RGS8: variants seen among roughly 807,000 people sequenced by gnomAD.
RGS8 encodes regulator of G protein signaling 8.
A neutral mutation model predicts 21.7 loss-of-function variants in RGS8; 8 were observed. The observed-to-expected ratio is 0.37, with a 90% CI of 0.22 to 0.66. The LOEUF (loss-of-function observed/expected upper bound fraction) is 0.66. RGS8 is among the 30% of genes least tolerant of loss of function. The pLI, the probability that RGS8 is intolerant of heterozygous loss-of-function variation, is 0.59. For synonymous variants in RGS8, 80 were observed against 83.6 expected (o/e 0.96, Z 0.24); for missense variants, 157 against 217.9 (o/e 0.72, Z 1.76).
the RGS8 span, among the ~76,000 whole-genome samples, chr1:182,741,488 C>T: frequency 1.4e-4 from 19 of 131,218 alleles, no homozygotes; most frequent in African/African-American, 3.5e-4. Context: ...GGCGGCTGGC[C>T]GGGCGGGGGG....
At chr1:182,704,701 T>A in the RGS8 span, among the ~76,000 whole-genome samples, 1 of 152,170 alleles carries the variant, frequency 6.6e-6, no homozygotes, top group Non-Finnish European at 1.5e-5. Context: ...TGGGTGTGAA[T>A]TGCAGACCCA....
At chr1:182,741,643 C>T in the RGS8 span, among the ~76,000 whole-genome samples, 1 of 125,490 alleles carries the variant, frequency 8.0e-6, no homozygotes, top group South Asian at 2.6e-4. Flanking sequence ...CCCCACCTCC[C>T]TCCCGGACGG....
upstream of RGS8, among the ~76,000 whole-genome samples, chr1:182,677,283 A>C (rs1350278704): frequency 6.6e-6 from 1 of 152,260 alleles, no homozygotes; most frequent in East Asian, 1.9e-4. Flanking sequence ...GTCTCGTTAT[A>C]AGGATTGAAT....
the RGS8 span, among the ~76,000 whole-genome samples, chr1:182,732,299 A>ACACACC: frequency 6.6e-6 from 1 of 151,444 alleles, no homozygotes; most frequent in East Asian, 1.9e-4. Flanking sequence ...ACACACACAC[A>ACACACC]CACCCACTGT....
At chr1:182,677,928 C>A (rs115158555), upstream of RGS8, among the ~76,000 whole-genome samples, 1,178 of 152,256 alleles carry the variant, frequency 7.7e-3, 11 homozygotes, top group African/African-American at 0.027. Flanking sequence ...AGACAATGGC[C>A]ATCAGGGTTA....
upstream of RGS8, among the ~76,000 whole-genome samples, chr1:182,686,787 G>C (rs1013263167): frequency 6.6e-6 from 1 of 152,128 alleles, no homozygotes; most frequent in Non-Finnish European, 1.5e-5. Flanking sequence ...GGAGTAAATG[G>C]AATCACCCAA....
At chr1:182,675,197 C>T (rs1017402002), upstream of RGS8, among the ~76,000 whole-genome samples, 7 of 152,214 alleles carry the variant, frequency 4.6e-5, no homozygotes, top group Admixed American at 1.3e-4. Flanking sequence ...CCAAGTCCCA[C>T]AAGGGACCCT....
At chr1:182,745,343 A>C in the RGS8 span, among the ~76,000 whole-genome samples, 3 of 122,352 alleles carry the variant, frequency 2.5e-5, no homozygotes. Flanking sequence ...TTATTTACTC[A>C]TGAGAACCAA....
the RGS8 span, among the ~76,000 whole-genome samples, chr1:182,744,803 A>G: frequency 2.0e-5 from 3 of 152,214 alleles, no homozygotes; most frequent in African/African-American, 4.8e-5. Context: ...TAAACTATGC[A>G]TGTCTGTATT....
At chr1:182,666,885 T>C (rs1473917462) in exon 4 of RGS8, 1 of 1,613,948 alleles carries the variant, frequency 6.2e-7, no homozygotes, top group Non-Finnish European at 8.5e-7. Context: ...AGAGCGCGGT[T>C]GGGTTTGTCT....
chr1:182,709,400 C>A, the RGS8 span, among the ~76,000 whole-genome samples: 1 of 152,164 alleles, frequency 6.6e-6, no homozygotes, highest in Non-Finnish European at 1.5e-5. Flanking sequence ...CATACCCACT[C>A]AAACCAGAAT....
chr1:182,741,751 G>T, the RGS8 span, among the ~76,000 whole-genome samples: 1 of 107,894 alleles, frequency 9.3e-6, no homozygotes, highest in Non-Finnish European at 2.2e-5. Flanking sequence ...CTGGGCGGGG[G>T]GCTGACCCCC....
chr1:182,751,748 C>A, the RGS8 span, among the ~76,000 whole-genome samples: 1 of 152,114 alleles, frequency 6.6e-6, no homozygotes, highest in African/African-American at 2.4e-5. Flanking sequence ...ATACCATATA[C>A]ATAATTGAAT....
intron 5 of RGS8, among the ~76,000 whole-genome samples, chr1:182,661,308 A>C (rs114393637): frequency 0.011 from 1,647 of 152,134 alleles, 32 homozygotes; most frequent in African/African-American, 0.038. Flanking sequence ...GGGATAGGTC[A>C]GGGAGACCCT....
chr1:182,747,270 G>A, the RGS8 span, among the ~76,000 whole-genome samples: 169 of 151,706 alleles, frequency 1.1e-3, 3 homozygotes, highest in African/African-American at 3.7e-3. Flanking sequence ...GAGATCCAGA[G>A]TTATTTTGGC....
chr1:182,732,407 A>G, the RGS8 span, among the ~76,000 whole-genome samples: 16 of 152,264 alleles, frequency 1.1e-4, no homozygotes, highest in African/African-American at 3.1e-4. Flanking sequence ...GTCTAAATAA[A>G]TATTTGTTAA....
At chr1:182,675,877 A>G (rs901970699), upstream of RGS8, among the ~76,000 whole-genome samples, 1 of 151,666 alleles carries the variant, frequency 6.6e-6, no homozygotes, top group Non-Finnish European at 1.5e-5. Flanking sequence ...AAAAAGACAG[A>G]CTCTTTTACT....
chr1:182,707,153 C>T, the RGS8 span, among the ~76,000 whole-genome samples: 4 of 152,106 alleles, frequency 2.6e-5, no homozygotes, highest in South Asian at 8.3e-4. Context: ...AGTGGGACTC[C>T]ATCTCAAAAA....
At chr1:182,658,622 A>G (rs762980295) in intron 5 of RGS8, 1 of 152,258 alleles carries the variant, frequency 6.6e-6, no homozygotes, top group African/African-American at 2.4e-5. Flanking sequence ...TTTGAAATTC[A>G]TGATGAGAAT....
Sources: gnomAD v4.1 joint callset for allele counts (sites outside exome capture counted in the v4.1 genomes callset) on GRCh38, gnomAD v4.1.1 for gene constraint, MANE v1.5 for transcripts, NCBI Gene and HGNC (gene_info 2026-07-23, HGNC 2026-07-21) for gene names.